Variants in ZBTB16 observed in about 807,000 individuals in gnomAD.
The protein encoded by ZBTB16 is zinc finger and BTB domain containing 16.
ZBTB16 carries 8 observed loss-of-function variants against 56.8 expected under a neutral mutation model. That is an observed-to-expected ratio of 0.14 (90% CI 0.08 to 0.25). The LOEUF is 0.25. Among genes scored for constraint, ZBTB16 ranks in the 10% least tolerant of loss-of-function variants. The pLI, the probability that ZBTB16 is intolerant of heterozygous loss-of-function variation, is 1.00. For synonymous variants in ZBTB16, 363 were observed against 368.5 expected (o/e 0.98, Z 0.17); for missense variants, 625 against 903.0 (o/e 0.69, Z 3.95).
At chr11:114,187,365 A>G in intron 4 of ZBTB16, 1 of 355,514 alleles carries the variant, frequency 2.8e-6, no homozygotes, top group Non-Finnish European at 5.3e-6. Flanking sequence ...TGTTATCAAA[A>G]CATCTTCTTC....
chr11:114,144,152 C>G (rs2134908147), intron 2 of ZBTB16, among the ~76,000 whole-genome samples: 1 of 151,604 alleles, frequency 6.6e-6, no homozygotes, highest in Admixed American at 6.6e-5. Flanking sequence ...ACACAATCCC[C>G]TTTCTCTGGC....
intron 4 of ZBTB16, among the ~76,000 whole-genome samples, chr11:114,192,099 G>T (rs1325515186): frequency 6.6e-6 from 1 of 152,150 alleles, no homozygotes; most frequent in African/African-American, 2.4e-5. Context: ...TCAGGTAATG[G>T]CTGGAGCTGG....
At chr11:114,087,167 G>T (rs554693872) in intron 2 of ZBTB16, among the ~76,000 whole-genome samples, 2 of 152,168 alleles carry the variant, frequency 1.3e-5, no homozygotes, top group African/African-American at 4.8e-5. Context: ...CGGGAAAGAT[G>T]GTGGTTGTTC....
chr11:114,248,306 A>T (rs1387314763), intron 6 of ZBTB16, among the ~76,000 whole-genome samples: 1 of 152,248 alleles, frequency 6.6e-6, no homozygotes, highest in Non-Finnish European at 1.5e-5. Flanking sequence ...GGGGGCAGTG[A>T]AGTCCTGGAG....
chr11:114,207,718 A>T (rs1306680129), intron 4 of ZBTB16, among the ~76,000 whole-genome samples: 1 of 152,072 alleles, frequency 6.6e-6, no homozygotes, highest in Non-Finnish European at 1.5e-5. Context: ...GGTTCAAGCG[A>T]TTCTCCTGCC....
rs566336477 is a variant in ZBTB16 at position 114,256,012 on chromosome 11, G to A, written c.*5457G>A. The stretch of plus-strand genomic sequence containing the variant: ...TCCCACCTTTTTATTGAAGTACTTG[G>A]TTTTGTTTTGTTTTTTTTTTTTGTT... On this transcript the variant is annotated 3_prime_UTR_variant, in exon 7 of 7. Transcript: ENST00000335953. Among the ~76,000 whole-genome samples, 416 of 77,690 alleles carry A rather than the reference G, an allele frequency of 5.4e-3. 2 individuals are homozygous for A. Among genetic ancestry groups the A allele is most frequent in the African/African-American group, 0.018 (400 of 22,434 alleles). 51.0% of individuals were successfully genotyped at this position (77,690 alleles called of 152,430 possible). A position where few individuals can be genotyped will look rare whatever the true frequency, so the allele number is the denominator to read the frequency against.
chr11:114,141,938 T>C (rs1168442178), intron 2 of ZBTB16, among the ~76,000 whole-genome samples: 4 of 152,260 alleles, frequency 2.6e-5, no homozygotes, highest in Non-Finnish European at 5.9e-5. Context: ...CTTCTAATTC[T>C]TCTTCATCAC....
chr11:114,198,596 A>G (rs1314733017), intron 4 of ZBTB16, among the ~76,000 whole-genome samples: 1 of 152,194 alleles, frequency 6.6e-6, no homozygotes, highest in Non-Finnish European at 1.5e-5. Flanking sequence ...CATTTTTTTA[A>G]GAGCAGCTTT....
intron 2 of ZBTB16, among the ~76,000 whole-genome samples, chr11:114,066,634 C>G (rs1426092416): frequency 6.6e-6 from 1 of 152,144 alleles, no homozygotes; most frequent in East Asian, 1.9e-4. Flanking sequence ...CAGCAAGACC[C>G]TCATTCCTCT....
At chr11:114,118,108 T>C (rs1284846730) in intron 2 of ZBTB16, among the ~76,000 whole-genome samples, 2 of 152,212 alleles carry the variant, frequency 1.3e-5, no homozygotes, top group Non-Finnish European at 2.9e-5. Flanking sequence ...GTGTTTTGAA[T>C]CTAACTGCAT....
chr11:114,233,125 A>ACACACACACACACACACACT (rs1443230792), intron 4 of ZBTB16, among the ~76,000 whole-genome samples: 2 of 54,778 alleles, frequency 3.7e-5, no homozygotes, highest in African/African-American at 1.0e-4. Flanking sequence ...ACACACACAC[A>ACACACACACACACACACACT]CTCTCTCTCT....
At chr11:114,214,925 A>G in intron 4 of ZBTB16, among the ~76,000 whole-genome samples, 1 of 151,828 alleles carries the variant, frequency 6.6e-6, no homozygotes, top group East Asian at 1.9e-4. Flanking sequence ...GTGAGTGATG[A>G]TGGCAGAAAG....
intron 1 of ZBTB16, among the ~76,000 whole-genome samples, chr11:114,062,180 G>A (rs532806626): frequency 1.3e-5 from 2 of 151,086 alleles, no homozygotes; most frequent in Admixed American, 6.6e-5. Flanking sequence ...CTCGGCTCAC[G>A]GCAACCTCCG....
intron 4 of ZBTB16, chr11:114,209,503 C>T: frequency 1.0e-6 from 1 of 985,364 alleles, no homozygotes; most frequent in Non-Finnish European, 1.2e-6. Flanking sequence ...CCTTCAGCTC[C>T]AGAAAGCCAT....
At chr11:114,101,001 T>G (rs1265276749) in intron 2 of ZBTB16, among the ~76,000 whole-genome samples, 2 of 151,870 alleles carry the variant, frequency 1.3e-5, no homozygotes, top group Admixed American at 6.6e-5. Context: ...CAAGCTGGTT[T>G]GTTTGTTTGT....
chr11:114,196,547 G>A (rs1484769458), intron 4 of ZBTB16, among the ~76,000 whole-genome samples: 1 of 152,166 alleles, frequency 6.6e-6, no homozygotes, highest in Non-Finnish European at 1.5e-5. Flanking sequence ...TGCCCTGCAA[G>A]GTCTGCCAGG....
chr11:114,209,398 G>C (rs1357356911), intron 4 of ZBTB16: 14 of 985,244 alleles, frequency 1.4e-5, no homozygotes. Flanking sequence ...TTTGTGGAGG[G>C]AGGAAGGATA....
At chr11:114,169,365 T>G (rs1942888708) in intron 3 of ZBTB16, among the ~76,000 whole-genome samples, 1 of 152,262 alleles carries the variant, frequency 6.6e-6, no homozygotes, top group Non-Finnish European at 1.5e-5. Context: ...TGAGGCTGGT[T>G]GTGTCCATTC....
rs115957435 is a variant in ZBTB16 at position 114,247,272 on chromosome 11, A to C, written c.1699A>C (p.Ile567Leu). The change falls in exon 6 of 7, where the codon ATC becomes CTC. Residue 567 changes from isoleucine to leucine, a missense_variant. This residue lies in a region of ZBTB16 where 140 missense variants were observed against 214.8 expected (regional missense o/e 0.65). Transcript: ENST00000335953. ...GAGCACACTCAAGAGCCACAAACGC[A>C]TCCACACGGGTGAGAAACCCTACGA... Reference protein sequence around the residue: ...DESTLKSHKRIHTGEKPYECN... With the variant: ...DESTLKSHKRLHTGEKPYECN... 120 of 1,614,264 alleles carry C rather than the reference A, an allele frequency of 7.4e-5. No individual in the cohort carries two copies. The African/African-American group carries it at 1.5e-3, about 20-fold the overall frequency.
Sources: allele counts gnomAD v4.1 joint callset (sites outside exome capture counted in the v4.1 genomes callset), GRCh38; gene constraint gnomAD v4.1.1; regional missense constraint gnomAD v4.1.1; transcripts MANE v1.5; gene names NCBI Gene and HGNC (gene_info 2026-07-23, HGNC 2026-07-21).